TRPM3: variants seen among roughly 807,000 people sequenced by gnomAD.
TRPM3 encodes the protein long transient receptor potential channel 3.
TRPM3 carries 77 observed loss-of-function variants against 181.2 expected under a neutral mutation model. The ratio of observed to expected loss-of-function variants is 0.42; its 90% confidence interval spans 0.35 to 0.51. TRPM3 has a LOEUF of 0.51. Ranked by LOEUF, TRPM3 falls within the 20% of genes least tolerant of loss-of-function variation. The pLI, the probability that TRPM3 is intolerant of heterozygous loss-of-function variation, is 0.01. For missense variants in TRPM3, 1,759 were observed against 2,196.7 expected (o/e 0.80, Z 3.98); for synonymous variants, 745 against 796.4 (o/e 0.94, Z 1.09).
Position 70,553,233 on chromosome 9 carries a change from C to A in TRPM3, c.3301G>T (p.Val1101Leu). 6.2e-7 allele frequency: 1 copy of A among 1,614,112 alleles called. No homozygotes were observed. Among genetic ancestry groups the A allele is most frequent in the Non-Finnish European group, 8.5e-7 (1 of 1,180,028 alleles). The change falls in exon 23 of 26, where the codon GTG (valine) becomes TTG (leucine). Residue 1101 changes from valine to leucine, a missense_variant. Val to Leu is a conservative substitution (Grantham distance 32, BLOSUM62 1). Coordinates refer to ENST00000677713, the MANE Select transcript of TRPM3 (RefSeq NM_001366145.2). ...AGGTAGCAGGCCATGATGGCCGGCA[C>A]GATCCAAGCTCCTGTCTTGCAGGGA... ...LPPCKTGAWI[V>L]PAIMACYLLV...
At chr9:71,161,015 T>C (rs2134702381) in intron 1 of TRPM3, among the ~76,000 whole-genome samples, 1 of 152,312 alleles carries the variant, frequency 6.6e-6, no homozygotes, top group Non-Finnish European at 1.5e-5. Context: ...TGCTGTCGTT[T>C]CACTGAGCAC....
At chr9:71,217,672 A>G (rs1272129123) in intron 1 of TRPM3, among the ~76,000 whole-genome samples, 1 of 152,226 alleles carries the variant, frequency 6.6e-6, no homozygotes, top group Non-Finnish European at 1.5e-5. Context: ...ATTGAAATCC[A>G]GCTGTCCTGA....
chr9:70,771,342 T>G (rs997737041), intron 7 of TRPM3, among the ~76,000 whole-genome samples: 1 of 152,204 alleles, frequency 6.6e-6, no homozygotes, highest in African/African-American at 2.4e-5. Context: ...TAAGATGATA[T>G]AGCTGGTAAG....
intron 12 of TRPM3, among the ~76,000 whole-genome samples, chr9:70,631,393 T>G (rs1464034160): frequency 6.7e-6 from 1 of 150,140 alleles, no homozygotes; most frequent in Non-Finnish European, 1.5e-5. Context: ...TCTGAAAAGC[T>G]CTGGGTCTTA....
intron 1 of TRPM3, among the ~76,000 whole-genome samples, chr9:70,987,158 A>C (rs577773289): frequency 6.6e-6 from 1 of 152,242 alleles, no homozygotes; most frequent in Non-Finnish European, 1.5e-5. Context: ...ATTAAACTGA[A>C]TTGAAATCAT....
At chr9:71,036,030 G>A (rs187284214) in intron 1 of TRPM3, among the ~76,000 whole-genome samples, 122 of 124,790 alleles carry the variant, frequency 9.8e-4, no homozygotes, top group Middle Eastern at 5.6e-3. Flanking sequence ...TTCAGTTGTA[G>A]TAAGAAAAGA....
At chr9:71,248,502 G>C (rs537062621) in intron 1 of TRPM3, among the ~76,000 whole-genome samples, 1 of 152,280 alleles carries the variant, frequency 6.6e-6, no homozygotes, top group African/African-American at 2.4e-5. Flanking sequence ...TAGACTCTAC[G>C]TTAACCAACT....
At chr9:71,242,497 C>T (rs528729214) in intron 1 of TRPM3, among the ~76,000 whole-genome samples, 10 of 152,308 alleles carry the variant, frequency 6.6e-5, no homozygotes, top group South Asian at 4.2e-4. Context: ...GATGCAAAAA[C>T]GCAAGTTGGC....
At chr9:70,998,263 A>AT (rs200870881) in intron 1 of TRPM3, among the ~76,000 whole-genome samples, 32,016 of 144,514 alleles carry the variant, frequency 0.22, 4,238 homozygotes, top group East Asian at 0.31. Context: ...ATATATATAT[A>AT]TATTTTTTTT....
intron 1 of TRPM3, among the ~76,000 whole-genome samples, chr9:71,375,566 C>G (rs1399999846): frequency 6.6e-6 from 1 of 152,100 alleles, no homozygotes; most frequent in Non-Finnish European, 1.5e-5. Flanking sequence ...GCAGAAGAAA[C>G]CATCATCAGA....
In TRPM3 at chr9:70,756,613, C is replaced by T. The variant is rs572128231; in HGVS notation, c.1272+4988G>A. Among the ~76,000 whole-genome samples the T allele has an allele frequency of 5.9e-5, 9 of 152,016 alleles. No homozygotes were observed. In the South Asian group the frequency reaches 1.7e-3, roughly 28 times the overall value. On this transcript the variant is annotated intron_variant, in intron 8 of 25. Coordinates refer to ENST00000677713, the MANE Select transcript of TRPM3 (RefSeq NM_001366145.2). ...TGGAAATAAAACACTCCTCAGGAAACTCAAAAGAACGGAAACCAACAGTCT... is the reference window on the plus strand; with the variant it reads ...TGGAAATAAAACACTCCTCAGGAAATTCAAAAGAACGGAAACCAACAGTCT...
chr9:70,879,482 C>A (rs1453167007), intron 1 of TRPM3, among the ~76,000 whole-genome samples: 1 of 151,958 alleles, frequency 6.6e-6, no homozygotes, highest in African/African-American at 2.4e-5. Flanking sequence ...GTACTTTGTT[C>A]TTTCGCCTGC....
chr9:71,356,805 C>T (rs775416380), intron 1 of TRPM3, among the ~76,000 whole-genome samples: 6 of 152,056 alleles, frequency 3.9e-5, no homozygotes, highest in Admixed American at 1.3e-4. Context: ...ATTCCAGCCC[C>T]GAGCCCCAGA....
intron 1 of TRPM3, among the ~76,000 whole-genome samples, chr9:71,445,463 A>T (rs1291361812): frequency 6.6e-6 from 1 of 152,246 alleles, no homozygotes; most frequent in Non-Finnish European, 1.5e-5. Context: ...CCATATTTAG[A>T]TGAAAAAACC....
intron 18 of TRPM3, among the ~76,000 whole-genome samples, chr9:70,612,727 CTG>C (rs1241559579): frequency 4.6e-5 from 7 of 152,172 alleles, no homozygotes; most frequent in Admixed American, 6.5e-5. Context: ...GCACACTAGA[CTG>C]TGATAGAATT....
At chr9:70,820,472 G>A (rs1475260065) in intron 6 of TRPM3, among the ~76,000 whole-genome samples, 8 of 152,056 alleles carry the variant, frequency 5.3e-5, no homozygotes, top group Non-Finnish European at 8.8e-5. Flanking sequence ...CAGGTGATCC[G>A]CCCACCTTGG....
chr9:70,918,664 G>A (rs1252129388), intron 1 of TRPM3, among the ~76,000 whole-genome samples: 1 of 151,928 alleles, frequency 6.6e-6, no homozygotes, highest in African/African-American at 2.4e-5. Context: ...TGTCAAAAAA[G>A]AAGAAAAACT....
At chr9:71,395,415 C>A (rs2093166996) in intron 1 of TRPM3, among the ~76,000 whole-genome samples, 1 of 152,144 alleles carries the variant, frequency 6.6e-6, no homozygotes, top group South Asian at 2.1e-4. Flanking sequence ...TCTTATTGAA[C>A]CACAGTACAC....
chr9:71,133,972 T>TC lies in TRPM3; in HGVS notation c.184-269462_184-269461insG, dbSNP rs1491180663. Among the ~76,000 whole-genome samples the TC allele has an allele frequency of 9.7e-4, 81 of 83,568 alleles. 1 individual carries two copies. In the East Asian group the frequency reaches 0.024, roughly 25 times the overall value. The allele number at this position is 83,568 out of a possible 152,430, so 54.8% of individuals were successfully genotyped here. On this transcript the variant is annotated intron_variant, in intron 1 of 24. Coordinates refer to the TRPM3 transcript ENST00000357533. ...TTGCCTACTATCTAAACTGTGTGTG[T>TC]TTGTGTGTGTGTGTGTGTGTGTGTG... is the stretch of plus-strand genomic sequence containing the variant.
Sources: allele counts gnomAD v4.1 joint callset (sites outside exome capture counted in the v4.1 genomes callset), GRCh38; gene constraint gnomAD v4.1.1; transcripts MANE v1.5; gene names NCBI Gene and HGNC (gene_info 2026-07-23, HGNC 2026-07-21).